NLK: variants seen among roughly 807,000 people sequenced by gnomAD.
The protein encoded by NLK is serine/threonine-protein kinase NLK.
A neutral mutation model predicts 59.0 loss-of-function variants in NLK; 11 were observed. The ratio of observed to expected loss-of-function variants is 0.19; its 90% CI spans 0.12 to 0.31. The LOEUF is 0.31. Ranked by LOEUF, NLK falls within the 10% of genes least tolerant of loss-of-function variation. NLK has a pLI of 1.00. For synonymous variants in NLK, 235 were observed against 235.9 expected, an observed-to-expected ratio of 1.00 and a Z score of 0.03; for missense variants, 410 against 661.1, an observed-to-expected ratio of 0.62 and a Z score of 4.16.
chr17:28,156,581 G>A (rs1419089314), intron 3 of NLK, among the ~76,000 whole-genome samples: 1 of 152,066 alleles, frequency 6.6e-6, no homozygotes, highest in Non-Finnish European at 1.5e-5. Context: ...AGGGGGAGGG[G>A]GATGGTCATT....
intron 1 of NLK, among the ~76,000 whole-genome samples, chr17:28,092,661 C>T (rs1904537057): frequency 6.6e-6 from 1 of 152,058 alleles, no homozygotes; most frequent in South Asian, 2.1e-4. Context: ...TCACCTATAG[C>T]GTAACAAGTT....
chr17:28,067,997 A>G (rs1024173989), intron 1 of NLK, among the ~76,000 whole-genome samples: 7 of 151,694 alleles, frequency 4.6e-5, no homozygotes, highest in Non-Finnish European at 1.0e-4. Flanking sequence ...AAAAATTAGC[A>G]GGGCATGGTG....
chr17:28,099,452 A>G (rs1268708065), intron 1 of NLK, among the ~76,000 whole-genome samples: 7 of 152,052 alleles, frequency 4.6e-5, no homozygotes, highest in African/African-American at 1.7e-4. Flanking sequence ...CTGCAGCCCC[A>G]GGCAACCATT....
intron 7 of NLK, among the ~76,000 whole-genome samples, chr17:28,180,750 C>T (rs73989107): frequency 6.6e-6 from 1 of 152,114 alleles, no homozygotes; most frequent in Admixed American, 6.5e-5. Context: ...CCAACCTGCA[C>T]AGGCTAGTAA....
chr17:28,133,266 C>T (rs912296126), intron 3 of NLK, among the ~76,000 whole-genome samples: 3 of 152,076 alleles, frequency 2.0e-5, no homozygotes, highest in African/African-American at 4.8e-5. Context: ...TGATTATTCC[C>T]ATGTTACAGA....
chr17:28,077,073 C>CTTTTTTTTTTTTTTT (rs35639099), intron 1 of NLK, among the ~76,000 whole-genome samples: 53 of 42,500 alleles, frequency 1.2e-3, no homozygotes, highest in Non-Finnish European at 1.6e-3. Flanking sequence ...CTCTTTCTTT[C>CTTTTTTTTTTTTTTT]TTTTTTTTTT....
chr17:28,147,194 T>C (rs1907292070), intron 3 of NLK, among the ~76,000 whole-genome samples: 1 of 152,176 alleles, frequency 6.6e-6, no homozygotes. Context: ...CAGTGTTTAT[T>C]GATGCTAATG....
At position 28,145,508 on chromosome 17, in the gene NLK, G is replaced by C. The variant is rs111900904; in HGVS notation, c.644+12833G>C. ...TGTCCTGTAGAAAACCTTTCTTGGT[G>C]TAAGTCAAGGGCTTTTTGTCCTTTG... On this transcript the variant is annotated intron_variant, in intron 3 of 10. Transcript: ENST00000407008. Among the ~76,000 whole-genome samples, 1,001 of 152,250 alleles carry C rather than the reference G, an allele frequency of 6.6e-3. 17 individuals carry two copies. The highest frequency in any genetic ancestry group is 0.022 in the African/African-American group (932 of 41,536).
intron 7 of NLK, 79 bp downstream of exon 7, chr17:28,172,697 G>T (rs370842742): frequency 2.5e-5 from 18 of 709,632 alleles, no homozygotes; most frequent in Admixed American, 2.5e-4. Context: ...ATCTATTAAG[G>T]ATTTTTAAGC....
In NLK at chr17:28,065,173, C is replaced by T. The variant is rs372133025; in HGVS notation, c.458+21842C>T. On this transcript the variant is annotated intron_variant, in intron 1 of 10. Transcript: ENST00000407008. ...CTGTGGGAAGATATAGATGGGATAC[C>T]AAGGGCCTCAGTTTGTACAATTCTG... Among the ~76,000 whole-genome samples, 451 of 152,080 alleles carry T rather than the reference C, an allele frequency of 3.0e-3. 5 individuals carry two copies. The highest frequency in any genetic ancestry group is 0.011 in the African/African-American group (439 of 41,484).
intron 1 of NLK, among the ~76,000 whole-genome samples, chr17:28,096,834 A>G (rs1452107892): frequency 4.6e-5 from 7 of 152,342 alleles, no homozygotes; most frequent in African/African-American, 1.7e-4. Context: ...ATCCCTTACT[A>G]CTGGCAGATA....
At chr17:28,114,123 G>A (rs531059677) in intron 1 of NLK, among the ~76,000 whole-genome samples, 1 of 152,018 alleles carries the variant, frequency 6.6e-6, no homozygotes. Context: ...TTTGTATACT[G>A]TATATTATAT....
At chr17:28,076,011 C>G (rs1183763264) in intron 1 of NLK, among the ~76,000 whole-genome samples, 1 of 152,022 alleles carries the variant, frequency 6.6e-6, no homozygotes, top group Non-Finnish European at 1.5e-5. Context: ...TTTTGTTGTC[C>G]TTTTTTTGTA....
chr17:28,135,751 A>C (rs1906719314), intron 3 of NLK, among the ~76,000 whole-genome samples: 1 of 152,232 alleles, frequency 6.6e-6, no homozygotes, highest in Admixed American at 6.5e-5. Flanking sequence ...CTCTTCATTG[A>C]ACACTTAGTT....
chr17:28,055,502 G>GT (rs1208249962), intron 1 of NLK, among the ~76,000 whole-genome samples: 1 of 151,748 alleles, frequency 6.6e-6, no homozygotes, highest in Non-Finnish European at 1.5e-5. Flanking sequence ...ACACCCAGCT[G>GT]TTTTTTTATT....
At chr17:28,090,536 A>G (rs936649425) in intron 1 of NLK, among the ~76,000 whole-genome samples, 1 of 151,970 alleles carries the variant, frequency 6.6e-6, no homozygotes, top group African/African-American at 2.4e-5. Context: ...TTAATGTCTG[A>G]AAAAGTCTTT....
intron 1 of NLK, among the ~76,000 whole-genome samples, chr17:28,115,187 G>C (rs1378745258): frequency 2.0e-5 from 3 of 151,900 alleles, no homozygotes; most frequent in Non-Finnish European, 4.4e-5. Context: ...GGGTGTCACA[G>C]AAACAAGAAA....
At chr17:28,077,945 T>C (rs1417172009) in intron 1 of NLK, among the ~76,000 whole-genome samples, 1 of 152,172 alleles carries the variant, frequency 6.6e-6, no homozygotes, top group East Asian at 1.9e-4. Context: ...TTCTCAAGCA[T>C]GTTATAGTTA....
In NLK at chr17:28,049,960, A is replaced by G. The variant is rs1340368989; in HGVS notation, c.458+6629A>G. On this transcript the variant is annotated intron_variant, in intron 1 of 10. Coordinates refer to ENST00000407008, the MANE Select transcript of NLK (RefSeq NM_016231.5). Reference sequence around the variant, plus strand: ...GTGCCGTTTCACTCCAGCCTGGACAACAAGAGTGAAACTGTGTCTCAAAAA... The same window carrying G: ...GTGCCGTTTCACTCCAGCCTGGACAGCAAGAGTGAAACTGTGTCTCAAAAA... Among the ~76,000 whole-genome samples the G allele has an allele frequency of 2.6e-5, 4 of 152,242 alleles. No individual in the cohort carries two copies. In the East Asian group the frequency reaches 7.7e-4, roughly 29 times the overall value.
Sources: gnomAD v4.1 joint callset for allele counts (sites outside exome capture counted in the v4.1 genomes callset) on GRCh38, gnomAD v4.1.1 for gene constraint, MANE v1.5 for transcripts, NCBI Gene and HGNC (gene_info 2026-07-23, HGNC 2026-07-21) for gene names.